Variants in GRIP1 observed in about 807,000 individuals in gnomAD.
The protein encoded by GRIP1 is glutamate receptor interacting protein 1.
A neutral mutation model predicts 129.9 loss-of-function variants in GRIP1; 45 were observed. That is an observed-to-expected ratio of 0.35 (90% CI 0.27 to 0.44). The LOEUF is 0.44. GRIP1 is among the 20% of genes least tolerant of loss of function. The pLI, the probability that GRIP1 is intolerant of heterozygous loss-of-function variation, is 1.00. For missense variants in GRIP1, 1,196 were observed against 1,396.8 expected, an observed-to-expected ratio of 0.86 and a Z score of 2.29; for synonymous variants, 530 against 520.8, an observed-to-expected ratio of 1.02 and a Z score of -0.24.
intron 1 of GRIP1, among the ~76,000 whole-genome samples, chr12:67,004,719 T>C (rs533493865): frequency 6.6e-6 from 1 of 152,242 alleles, no homozygotes; most frequent in African/African-American, 2.4e-5. Context: ...TTGAGCACCA[T>C]ATGACAGCAA....
chr12:66,671,778 T>C (rs1258401410), intron 1 of GRIP1, among the ~76,000 whole-genome samples: 1 of 152,160 alleles, frequency 6.6e-6, no homozygotes, highest in Non-Finnish European at 1.5e-5. Context: ...CCACCTCTAT[T>C]AGCTTAAGAA....
chr12:66,958,547 T>C (rs1231434996), intron 1 of GRIP1, among the ~76,000 whole-genome samples: 1 of 152,244 alleles, frequency 6.6e-6, no homozygotes, highest in African/African-American at 2.4e-5. Flanking sequence ...TTTCTTTTAT[T>C]GGAGAATGGT....
At chr12:66,876,651 C>T (rs118187856) in intron 1 of GRIP1, among the ~76,000 whole-genome samples, 219 of 152,112 alleles carry the variant, frequency 1.4e-3, no homozygotes, top group Middle Eastern at 0.01. Flanking sequence ...TTTTCTGGTT[C>T]TCAAATTCCT....
chr12:66,744,450 C>G (rs2036884007), intron 1 of GRIP1, among the ~76,000 whole-genome samples: 1 of 152,132 alleles, frequency 6.6e-6, no homozygotes, highest in Admixed American at 6.5e-5. Context: ...CTTCTGGTTC[C>G]TCTTTCTCCA....
intron 1 of GRIP1, among the ~76,000 whole-genome samples, chr12:66,921,571 T>C (rs1014962570): frequency 2.0e-5 from 3 of 152,202 alleles, no homozygotes; most frequent in Non-Finnish European, 4.4e-5. Flanking sequence ...ATAGTAGGGA[T>C]GGGGCACCCA....
At chr12:66,558,406 G>T (rs2062407011) in intron 2 of GRIP1, among the ~76,000 whole-genome samples, 2 of 152,044 alleles carry the variant, frequency 1.3e-5, no homozygotes, top group Non-Finnish European at 2.9e-5. Flanking sequence ...AACAGTATGG[G>T]GAAAACACCC....
chr12:66,827,735 C>T (rs1283925021), intron 1 of GRIP1, among the ~76,000 whole-genome samples: 1 of 152,160 alleles, frequency 6.6e-6, no homozygotes, highest in African/African-American at 2.4e-5. Flanking sequence ...TTCTCCCTTC[C>T]ACATTTGCCT....
chr12:67,050,001 G>A (rs2043316780), intron 1 of GRIP1, among the ~76,000 whole-genome samples: 1 of 128,020 alleles, frequency 7.8e-6, no homozygotes, highest in South Asian at 2.5e-4. Flanking sequence ...CTTGTCCTAT[G>A]TCAAATGTTT....
intron 1 of GRIP1, among the ~76,000 whole-genome samples, chr12:66,998,724 C>G (rs1566111968): frequency 6.6e-6 from 1 of 152,146 alleles, no homozygotes; most frequent in Non-Finnish European, 1.5e-5. Context: ...TCTCTCCTTA[C>G]AAGTTAAGAG....
At chr12:66,459,841 A>G (rs1818844871) in intron 9 of GRIP1, among the ~76,000 whole-genome samples, 1 of 152,214 alleles carries the variant, frequency 6.6e-6, no homozygotes. Flanking sequence ...GGTGTACTTG[A>G]TAGGCAAGTA....
intron 1 of GRIP1, among the ~76,000 whole-genome samples, chr12:66,762,701 C>T (rs913143340): frequency 1.3e-5 from 2 of 152,086 alleles, no homozygotes; most frequent in Non-Finnish European, 2.9e-5. Flanking sequence ...AAGAAATGAG[C>T]CAAAGTCCCT....
chr12:67,013,871 A>C (rs890727108), intron 1 of GRIP1, among the ~76,000 whole-genome samples: 1 of 152,182 alleles, frequency 6.6e-6, no homozygotes, highest in Non-Finnish European at 1.5e-5. Flanking sequence ...TATCCAAACC[A>C]ATAAGGACTT....
At chr12:66,444,865 T>A (rs1440910586) in intron 12 of GRIP1, 136 bp from the exon 13 acceptor site, 1 of 843,120 alleles carries the variant, frequency 1.2e-6, no homozygotes, top group Non-Finnish European at 2.0e-6. Context: ...GTGGGCATCA[T>A]ATAGGTCAAA....
intron 13 of GRIP1, among the ~76,000 whole-genome samples, chr12:66,439,681 C>T (rs985342177): frequency 2.6e-5 from 4 of 152,284 alleles, no homozygotes; most frequent in African/African-American, 9.6e-5. Flanking sequence ...GATGCACACA[C>T]CACGTTTAGA....
At chr12:66,766,367 T>C (rs2037637863) in intron 1 of GRIP1, among the ~76,000 whole-genome samples, 1 of 152,182 alleles carries the variant, frequency 6.6e-6, no homozygotes, top group South Asian at 2.1e-4. Context: ...GCCACTCTTC[T>C]AGAAGGTGGC....
intron 2 of GRIP1, among the ~76,000 whole-genome samples, chr12:66,586,210 A>C (rs186350781): frequency 9.9e-5 from 15 of 152,048 alleles, no homozygotes; most frequent in Non-Finnish European, 2.1e-4. Flanking sequence ...CTTTTCACCG[A>C]ATCTATTTTT....
chr12:66,997,229 G>A (rs1177119435), intron 1 of GRIP1, among the ~76,000 whole-genome samples: 2 of 151,700 alleles, frequency 1.3e-5, no homozygotes, highest in Non-Finnish European at 2.9e-5. Flanking sequence ...GTCATACATA[G>A]AGCATATGCG....
intron 1 of GRIP1, among the ~76,000 whole-genome samples, chr12:66,822,020 GTGTA>G (rs968786790): frequency 6.9e-4 from 104 of 150,990 alleles, no homozygotes; most frequent in Non-Finnish European, 8.0e-4. Flanking sequence ...GTGTGTGTGT[GTGTA>G]TGTGTATGTG....
chr12:67,069,278 C>G (rs1452135219), upstream of GRIP1: 5 of 193,900 alleles, frequency 2.6e-5, no homozygotes, highest in Non-Finnish European at 3.7e-5. Context: ...CCGCGCGCCC[C>G]GCGCTCCCCT....
Sources: allele counts gnomAD v4.1 joint callset (sites outside exome capture counted in the v4.1 genomes callset), GRCh38; gene constraint gnomAD v4.1.1; transcripts MANE v1.5; gene names NCBI Gene and HGNC (gene_info 2026-07-23, HGNC 2026-07-21).